The following A2ML1 variants were observed in gnomAD, a reference collection of about 807,000 sequenced individuals.
A2ML1 encodes alpha-2-macroglobulin-like protein 1.
A2ML1 carries 161 observed loss-of-function variants against 181.9 expected under a neutral mutation model. The ratio of observed to expected loss-of-function variants is 0.89; its 90% CI spans 0.78 to 1.01. A2ML1 has a LOEUF of 1.01. Ranked by LOEUF, A2ML1 falls within the 50% of genes least tolerant of loss-of-function variation. A2ML1 has a pLI of 0.00. For synonymous variants in A2ML1, 663 were observed against 666.8 expected, an observed-to-expected ratio of 0.99 and a Z score of 0.09; for missense variants, 1,670 against 1,768.1, an observed-to-expected ratio of 0.94 and a Z score of 1.00.
chr12:8,845,860 A>T (rs200011727), intron 13 of A2ML1, among the ~76,000 whole-genome samples: 8 of 54,632 alleles, frequency 1.5e-4, no homozygotes, highest in East Asian at 7.2e-4. Flanking sequence ...AAAAAAAAAA[A>T]AAAATAAATA....
intron 4 of A2ML1, among the ~76,000 whole-genome samples, chr12:8,833,492 G>T (rs1456528532): frequency 6.6e-6 from 1 of 152,132 alleles, no homozygotes; most frequent in African/African-American, 2.4e-5. Context: ...CACTGTCCGG[G>T]TTCAAGTGAT....
At chr12:8,849,572 G>A (rs1943816721) in intron 16 of A2ML1, 97 bp from the exon 17 acceptor site, 1 of 992,808 alleles carries the variant, frequency 1.0e-6, no homozygotes, top group East Asian at 2.4e-5. Context: ...CAAAAAGAAT[G>A]TTTTGTTTCA....
downstream of A2ML1, among the ~76,000 whole-genome samples, chr12:8,881,239 A>G (rs376282564): frequency 2.0e-5 from 3 of 152,212 alleles, no homozygotes; most frequent in East Asian, 1.9e-4. Context: ...AGCATGTGAC[A>G]ACTTCACAGG....
Position 8,850,240 on chromosome 12 carries a change from C to T in A2ML1, c.2200C>T (p.Pro734Ser). 1 of 1,613,214 alleles carries T rather than the reference C, an allele frequency of 6.2e-7. No homozygotes were observed. Among genetic ancestry groups the T allele is most frequent in the South Asian group, 1.1e-5 (1 of 90,938 alleles). The part of the protein sequence containing the change: ...AEDSQVRQYF[P>S]ETWLWDLFPI... ...GGATTCTCAGGTCCGCCAGTACTTCCCAGAGACCTGGCTCTGGGATCTGTT... is the reference window on the plus strand; with the variant it reads ...GGATTCTCAGGTCCGCCAGTACTTCTCAGAGACCTGGCTCTGGGATCTGTT... Residue 734 changes from proline to serine, a missense_variant, in exon 18 of 36, where the codon CCA becomes TCA. Coordinates refer to ENST00000299698, the MANE Select transcript of A2ML1 (RefSeq NM_144670.6).
chr12:8,875,180 C>T (rs772199143), intron 35 of A2ML1, among the ~76,000 whole-genome samples, 168 bp downstream of exon 35: 4 of 151,892 alleles, frequency 2.6e-5, no homozygotes, highest in African/African-American at 7.3e-5. Flanking sequence ...CAGCTTCAAG[C>T]GATTCTCCTG....
chr12:8,859,612 G>A (rs1405919878), intron 26 of A2ML1, among the ~76,000 whole-genome samples: 1 of 151,594 alleles, frequency 6.6e-6, no homozygotes, highest in Non-Finnish European at 1.5e-5. Flanking sequence ...TTACTCTGTT[G>A]TACAGGCTGG....
At chr12:8,854,077 A>C in intron 20 of A2ML1, 51 bp from the exon 21 acceptor site, 1 of 1,493,534 alleles carries the variant, frequency 6.7e-7, no homozygotes, top group Non-Finnish European at 8.9e-7. Flanking sequence ...AATGGACCTC[A>C]CTGGTACCTC....
At position 8,852,414 on chromosome 12, in the gene A2ML1, T is replaced by G; in HGVS notation, c.2590+78T>G. 6.3e-7 allele frequency: 1 copy of G among 1,579,586 alleles called. No individual in the cohort carries two copies. The highest frequency in any genetic ancestry group is 8.6e-7 in the Non-Finnish European group (1 of 1,159,708). On this transcript the variant is annotated intron_variant, in intron 20 of 35. Coordinates refer to ENST00000299698, the MANE Select transcript of A2ML1 (RefSeq NM_144670.6). The surrounding 1 kb of genome is among the most constrained non-coding windows in gnomAD (Gnocchi z 4.2). ...TGACTGAGCACTCAGTCTTTTCCTC[T>G]GCCACATCTGCTTTGCTTCCTCCTC...
At chr12:8,837,369 G>A in intron 7 of A2ML1, 71 bp from the exon 8 acceptor site, 7 of 1,584,274 alleles carry the variant, frequency 4.4e-6, no homozygotes, top group Non-Finnish European at 6.0e-6. Flanking sequence ...GGGAAGAAGT[G>A]GTGTTTGAGG....
At position 8,868,240 on chromosome 12, in the gene A2ML1, G is replaced by C. The variant is rs747890884; in HGVS notation, c.3944G>C (p.Arg1315Thr). ...QGCVYVQTVL[R>T]YNILPPTNMK... ...ATTTCTTCCTACCAGACGGTGTTGAGATACAATATTCTCCCTCCCACAAAT... is the reference window on the plus strand; with the variant it reads ...ATTTCTTCCTACCAGACGGTGTTGACATACAATATTCTCCCTCCCACAAAT... The change falls in exon 31 of 36, where the codon AGA (arginine) becomes ACA (threonine). Residue 1315 changes from arginine (R) to threonine (T), a missense_variant. Physicochemically the swap from Arg to Thr is moderately conservative, Grantham distance 71. Transcript: ENST00000299698. 1 of 1,613,922 alleles carries C rather than the reference G, an allele frequency of 6.2e-7. No individual in the cohort carries two copies. The highest frequency in any genetic ancestry group is 8.5e-7 in the Non-Finnish European group (1 of 1,179,994).
At position 8,837,708 on chromosome 12, in the gene A2ML1, C is replaced by T. The variant is rs1476073140; in HGVS notation, c.855+142C>T. The stretch of plus-strand genomic sequence containing the variant: ...CAGCCTGACCAATATGGGGAAACCC[C>T]GTCTCTATTAAAAATTCAAAAAATT... On this transcript the variant is annotated intron_variant, in intron 8 of 35. Coordinates refer to ENST00000299698, the MANE Select transcript of A2ML1 (RefSeq NM_144670.6). The T allele has an allele frequency of 4.9e-5, 44 of 899,302 alleles. No individual in the cohort carries two copies. In the South Asian group the frequency reaches 6.4e-4, roughly 13 times the overall value. 55.7% of individuals were successfully genotyped at this position (899,302 alleles called of 1,614,324 possible).
chr12:8,871,169 C>T (rs970791245), intron 33 of A2ML1, among the ~76,000 whole-genome samples: 10 of 152,168 alleles, frequency 6.6e-5, no homozygotes, highest in African/African-American at 2.2e-4. Context: ...TTAAAGCCAT[C>T]CTTTTGTTCC....
chr12:8,878,142 A>C (rs79357526), downstream of A2ML1, among the ~76,000 whole-genome samples: 52 of 152,246 alleles, frequency 3.4e-4, no homozygotes, highest in African/African-American at 1.3e-3. The surrounding 1 kb of genome is among the most constrained non-coding windows in gnomAD (Gnocchi z 4.4). Context: ...TCTCTACTAA[A>C]AATACAAAAA....
At chr12:8,868,176 C>G (rs1944486541) in intron 30 of A2ML1, 54 bp from the exon 31 acceptor site, 1 of 1,612,030 alleles carries the variant, frequency 6.2e-7, no homozygotes, top group African/African-American at 1.3e-5. Context: ...TTGAACTGTA[C>G]AATCTTTAAA....
intron 35 of A2ML1, among the ~76,000 whole-genome samples, chr12:8,875,280 G>A (rs1356582139): frequency 6.6e-6 from 1 of 151,908 alleles, no homozygotes; most frequent in Admixed American, 6.6e-5. Context: ...GTTTCACCAT[G>A]TTGACCAGGC....
intron 13 of A2ML1, among the ~76,000 whole-genome samples, chr12:8,845,858 A>AT (rs1197721050): frequency 1.8e-4 from 12 of 67,520 alleles, no homozygotes; most frequent in African/African-American, 7.2e-4. Flanking sequence ...TCAAAAAAAA[A>AT]AAAAAATAAA....
intron 12 of A2ML1, chr12:8,844,849 G>A (rs1943611474): frequency 2.6e-6 from 1 of 381,222 alleles, no homozygotes; most frequent in Admixed American, 5.0e-5. Context: ...ACGTGGAATG[G>A]CTAATGCTGG....
In A2ML1 at chr12:8,854,162, G is replaced by T. The variant is rs375033681; in HGVS notation, c.2625G>T (p.Leu875=). Residue 875 remains leucine (L), a synonymous_variant, in exon 21 of 36, where the codon CTG becomes CTT. Transcript: ENST00000299698. ...ACTTTACTATTAGTACAAAGATTCT[G>T]GACAGCAATGAACCATGTGGGGGCC... The part of the protein sequence containing the change: ...HINFTISTKI[L]DSNEPCGGQK... The T allele has an allele frequency of 2.7e-5, 44 of 1,604,834 alleles. No individual in the cohort carries two copies. The African/African-American group carries it at 5.6e-4, about 20-fold the overall frequency.
At chr12:8,866,578 T>C (rs1445627891) in intron 29 of A2ML1, among the ~76,000 whole-genome samples, 1 of 152,172 alleles carries the variant, frequency 6.6e-6, no homozygotes, top group East Asian at 1.9e-4. Flanking sequence ...AGAAGTCATA[T>C]ATCATATATT....
Sources: allele counts gnomAD v4.1 joint callset (sites outside exome capture counted in the v4.1 genomes callset), GRCh38; gene constraint gnomAD v4.1.1; non-coding constraint Gnocchi (gnomAD v3.1); transcripts MANE v1.5; gene names NCBI Gene and HGNC (gene_info 2026-07-23, HGNC 2026-07-21).